SNTG1: variants seen among roughly 807,000 people sequenced by gnomAD.
SNTG1 encodes gamma-1-syntrophin.
Under a neutral mutation model 74.7 loss-of-function variants are expected in SNTG1, and 39 were observed. The ratio of observed to expected loss-of-function variants is 0.52; its 90% confidence interval spans 0.40 to 0.68. The LOEUF (loss-of-function observed/expected upper bound fraction) is 0.68. SNTG1 is among the 30% of genes least tolerant of loss of function. SNTG1 has a pLI of 0.00. For missense variants in SNTG1, 685 were observed against 609.5 expected, an observed-to-expected ratio of 1.12 and a Z score of -1.30; for synonymous variants, 254 against 217.1, an observed-to-expected ratio of 1.17 and a Z score of -1.49.
At chr8:50,153,389 T>C (rs2082140195) in intron 1 of SNTG1, among the ~76,000 whole-genome samples, 1 of 151,932 alleles carries the variant, frequency 6.6e-6, no homozygotes, top group Non-Finnish European at 1.5e-5. Flanking sequence ...TTGTCTGAAG[T>C]ATTCTCTCAA....
At chr8:50,388,703 G>T (rs781150565) in intron 2 of SNTG1, among the ~76,000 whole-genome samples, 1 of 152,178 alleles carries the variant, frequency 6.6e-6, no homozygotes, top group Non-Finnish European at 1.5e-5. Flanking sequence ...TTCTACAGAG[G>T]AAACTCATGC....
intron 11 of SNTG1, among the ~76,000 whole-genome samples, chr8:50,551,585 C>T (rs1172706239): frequency 6.6e-6 from 1 of 152,152 alleles, no homozygotes; most frequent in Non-Finnish European, 1.5e-5. Flanking sequence ...GGTTAAACTT[C>T]TGTCTGAATA....
rs1041787266 is a variant in SNTG1 at position 50,527,614 on chromosome 8, T to A, written c.467-2563T>A. ...TAATTTACATGTCTATTTTTTTAAA[T>A]GAAAATCATATTATTTATTATTGTA... On this transcript the variant is annotated intron_variant, in intron 9 of 18. Transcript: ENST00000642720. Among the ~76,000 whole-genome samples the A allele has an allele frequency of 8.6e-5, 13 of 152,020 alleles. 1 individual carries two copies. Among genetic ancestry groups the A allele is most frequent in the African/African-American group, 2.9e-4 (12 of 41,440 alleles).
intron 2 of SNTG1, among the ~76,000 whole-genome samples, chr8:50,296,768 T>G (rs904918811): frequency 1.3e-5 from 2 of 151,704 alleles, no homozygotes; most frequent in African/African-American, 4.8e-5. Context: ...ATCCCAGAAT[T>G]TAAGTAAAAT....
chr8:50,775,569 T>G (rs1284870487), intron 18 of SNTG1, among the ~76,000 whole-genome samples: 1 of 151,732 alleles, frequency 6.6e-6, no homozygotes, highest in Non-Finnish European at 1.5e-5. Flanking sequence ...TACAGAAACT[T>G]GCAAATAATG....
intron 13 of SNTG1, among the ~76,000 whole-genome samples, chr8:50,626,766 C>T (rs1280933670): frequency 6.6e-6 from 1 of 152,126 alleles, no homozygotes; most frequent in Non-Finnish European, 1.5e-5. Flanking sequence ...CAACCTTCAG[C>T]GTGGGTGTCA....
rs534714767 is a variant in SNTG1 at position 50,579,596 on chromosome 8, C to T, written c.811-11283C>T. 1.5e-4 allele frequency among the ~76,000 whole-genome samples: 23 copies of T among 152,230 alleles called. No individual in the cohort carries two copies. The South Asian group carries it at 4.6e-3, about 30-fold the overall frequency. On this transcript the variant is annotated intron_variant, in intron 12 of 18. Coordinates refer to ENST00000642720, the MANE Select transcript of SNTG1 (RefSeq NM_018967.5). Reference sequence around the variant, plus strand: ...CTATGTGCATCCCTGGGGCATGGTGCCCTGCATCGCAGCTGCTCTGGCTAT... The same window carrying T: ...CTATGTGCATCCCTGGGGCATGGTGTCCTGCATCGCAGCTGCTCTGGCTAT...
Position 50,669,667 on chromosome 8 carries a change from G to A in SNTG1, c.1038+11004G>A, listed in dbSNP as rs554016926. On this transcript the variant is annotated intron_variant, in intron 15 of 18. Transcript: ENST00000642720. ...AACTATTCCAATCAATAGAAAAAGAGGGAATCCTCCCTAACTCATTTTATG... is the reference window on the plus strand; with the variant it reads ...AACTATTCCAATCAATAGAAAAAGAAGGAATCCTCCCTAACTCATTTTATG... Among the ~76,000 whole-genome samples, 452 of 152,200 alleles carry A rather than the reference G, an allele frequency of 3.0e-3. 3 individuals carry two copies. Among genetic ancestry groups the A allele is most frequent in the African/African-American group, 0.011 (437 of 41,538 alleles).
chr8:49,921,316 T>C (rs1806525623), intron 1 of SNTG1, among the ~76,000 whole-genome samples: 1 of 152,056 alleles, frequency 6.6e-6, no homozygotes, highest in Non-Finnish European at 1.5e-5. Flanking sequence ...GTTAACAGTG[T>C]TGATACTGCA....
chr8:50,094,448 A>G (rs2079854413), intron 1 of SNTG1, among the ~76,000 whole-genome samples: 1 of 152,172 alleles, frequency 6.6e-6, no homozygotes, highest in African/African-American at 2.4e-5. Context: ...CAAAGGTCTA[A>G]TATCCAAAAT....
intron 2 of SNTG1, among the ~76,000 whole-genome samples, chr8:50,246,992 C>T (rs1264725447): frequency 6.6e-6 from 1 of 152,168 alleles, no homozygotes; most frequent in Non-Finnish European, 1.5e-5. Context: ...CGGCTCTTGT[C>T]TGTAGCTGAT....
intron 1 of SNTG1, among the ~76,000 whole-genome samples, chr8:49,986,915 A>G (rs1364480015): frequency 1.3e-5 from 2 of 152,136 alleles, no homozygotes; most frequent in African/African-American, 4.8e-5. Context: ...ATATAAATAA[A>G]TATCTGGGTA....
intron 5 of SNTG1, among the ~76,000 whole-genome samples, chr8:50,442,621 A>G (rs890079862): frequency 6.0e-5 from 9 of 150,956 alleles, no homozygotes; most frequent in Non-Finnish European, 5.9e-5. Flanking sequence ...TTGTTAAAAC[A>G]TCTCTCAGAA....
At chr8:50,541,327 C>A (rs1253003350) in intron 11 of SNTG1, among the ~76,000 whole-genome samples, 1 of 151,654 alleles carries the variant, frequency 6.6e-6, no homozygotes, top group Non-Finnish European at 1.5e-5. Flanking sequence ...CCTGCATCCA[C>A]TAACGCAGTC....
chr8:50,466,067 T>A (rs1331794643), intron 8 of SNTG1, among the ~76,000 whole-genome samples: 1 of 152,092 alleles, frequency 6.6e-6, no homozygotes, highest in Non-Finnish European at 1.5e-5. Context: ...TAAATGAAAG[T>A]TCCTGTTGCC....
chr8:50,032,466 T>C (rs964315824), intron 1 of SNTG1, among the ~76,000 whole-genome samples: 9 of 152,178 alleles, frequency 5.9e-5, no homozygotes, highest in Admixed American at 1.3e-4. Flanking sequence ...TCTAAAGTTT[T>C]CTGTCTTGCT....
intron 15 of SNTG1, among the ~76,000 whole-genome samples, chr8:50,695,866 A>T (rs989170052): frequency 4.6e-5 from 7 of 151,528 alleles, no homozygotes; most frequent in Non-Finnish European, 1.0e-4. Flanking sequence ...TATAATTTTT[A>T]TTATTCATCA....
At chr8:50,207,396 G>A (rs2084298362) in intron 2 of SNTG1, among the ~76,000 whole-genome samples, 2 of 152,238 alleles carry the variant, frequency 1.3e-5, no homozygotes, top group Admixed American at 6.5e-5. Flanking sequence ...GTATTTCTAT[G>A]GGATTGGAGG....
At chr8:49,973,857 T>C (rs557770611) in intron 1 of SNTG1, among the ~76,000 whole-genome samples, 68 of 152,312 alleles carry the variant, frequency 4.5e-4, no homozygotes, top group African/African-American at 1.6e-3. Context: ...CAAAACATAC[T>C]TCTACAATGC....
Sources: allele counts gnomAD v4.1 joint callset (sites outside exome capture counted in the v4.1 genomes callset), GRCh38; gene constraint gnomAD v4.1.1; transcripts MANE v1.5; gene names NCBI Gene and HGNC (gene_info 2026-07-23, HGNC 2026-07-21).